The following ARHGAP24 variants were observed in gnomAD, a reference collection of about 807,000 sequenced individuals.
ARHGAP24 encodes the protein Rho GTPase activating protein 24, also known as rho GTPase-activating protein 24.
ARHGAP24 carries 50 observed loss-of-function variants against 76.4 expected under a neutral mutation model. That is an observed-to-expected ratio of 0.65 (90% CI 0.52 to 0.83). The LOEUF (loss-of-function observed/expected upper bound fraction) is 0.83. Ranked by LOEUF, ARHGAP24 falls within the 40% of genes least tolerant of loss-of-function variation. ARHGAP24 has a pLI of 0.00. For missense variants in ARHGAP24, 930 were observed against 914.2 expected (o/e 1.02, Z -0.22); for synonymous variants, 345 against 323.3 (o/e 1.07, Z -0.72).
At chr4:85,511,145 T>G (rs1724266708) in intron 1 of ARHGAP24, among the ~76,000 whole-genome samples, 1 of 152,180 alleles carries the variant, frequency 6.6e-6, no homozygotes, top group Non-Finnish European at 1.5e-5. Context: ...TTAGAAAACA[T>G]TTTAAAATAA....
intron 3 of ARHGAP24, among the ~76,000 whole-genome samples, chr4:85,821,400 G>A (rs948163136): frequency 6.6e-6 from 1 of 152,138 alleles, no homozygotes; most frequent in African/African-American, 2.4e-5. Context: ...CTGAGATAGG[G>A]TCTCACTCTG....
At chr4:85,621,723 A>G (rs1720724532) in intron 2 of ARHGAP24, among the ~76,000 whole-genome samples, 1 of 151,540 alleles carries the variant, frequency 6.6e-6, no homozygotes, top group Non-Finnish European at 1.5e-5. Context: ...TTATCTTTCT[A>G]CTCTGTTGAC....
At chr4:85,901,109 GA>G (rs1409354297) in intron 3 of ARHGAP24, among the ~76,000 whole-genome samples, 1 of 152,112 alleles carries the variant, frequency 6.6e-6, no homozygotes, top group Non-Finnish European at 1.5e-5. Flanking sequence ...ATTTTGATGT[GA>G]GACCAAGCTC....
intron 2 of ARHGAP24, among the ~76,000 whole-genome samples, chr4:85,588,906 T>C (rs566113278): frequency 1.3e-5 from 2 of 152,344 alleles, no homozygotes; most frequent in East Asian, 3.9e-4. Flanking sequence ...AAGTTTCTAA[T>C]TTAATGTTGA....
At chr4:85,848,247 A>T (rs953767704) in intron 3 of ARHGAP24, among the ~76,000 whole-genome samples, 1 of 152,140 alleles carries the variant, frequency 6.6e-6, no homozygotes, top group South Asian at 2.1e-4. Context: ...GGTTTGTTAC[A>T]TATATATACA....
chr4:85,745,837 A>C (rs1726012894), intron 3 of ARHGAP24, among the ~76,000 whole-genome samples: 1 of 152,192 alleles, frequency 6.6e-6, no homozygotes, highest in South Asian at 2.1e-4. Flanking sequence ...CGTGGCAAGA[A>C]TCTATAAGTT....
chr4:85,691,391 T>C (rs1723651057), intron 2 of ARHGAP24, among the ~76,000 whole-genome samples: 1 of 152,190 alleles, frequency 6.6e-6, no homozygotes, highest in Non-Finnish European at 1.5e-5. Flanking sequence ...AGTTTAAGTC[T>C]AGAATCTCTT....
intron 3 of ARHGAP24, among the ~76,000 whole-genome samples, chr4:85,756,122 A>G (rs1243444616): frequency 2.6e-5 from 4 of 152,190 alleles, no homozygotes; most frequent in South Asian, 2.1e-4. Context: ...GTATTGATGT[A>G]TCAATACGTT....
chr4:85,511,763 C>T (rs900147941), intron 1 of ARHGAP24, among the ~76,000 whole-genome samples: 1 of 152,168 alleles, frequency 6.6e-6, no homozygotes, highest in Non-Finnish European at 1.5e-5. Flanking sequence ...ACCCGCCTGG[C>T]CGAAATTCAC....
intron 3 of ARHGAP24, among the ~76,000 whole-genome samples, chr4:85,857,770 T>C (rs996747439): frequency 3.3e-5 from 5 of 152,156 alleles, no homozygotes; most frequent in Admixed American, 1.3e-4. Context: ...AGAGAAATAG[T>C]TGGAAGCTAC....
At chr4:85,498,235 A>G (rs530370335) in intron 1 of ARHGAP24, among the ~76,000 whole-genome samples, 30 of 152,340 alleles carry the variant, frequency 2.0e-4, no homozygotes, top group African/African-American at 7.0e-4. Flanking sequence ...TTAAGGACAC[A>G]GTAAAATAAT....
chr4:85,494,216 G>A (rs1364522344), intron 1 of ARHGAP24, among the ~76,000 whole-genome samples: 2 of 151,618 alleles, frequency 1.3e-5, no homozygotes, highest in African/African-American at 2.4e-5. Context: ...TGTTACATAC[G>A]TATACATGTG....
At chr4:85,548,365 A>G (rs759375748) in intron 1 of ARHGAP24, among the ~76,000 whole-genome samples, 2 of 152,202 alleles carry the variant, frequency 1.3e-5, no homozygotes, top group African/African-American at 2.4e-5. Context: ...GTCAGCCAGA[A>G]GCATTAGTGA....
In ARHGAP24 at chr4:85,706,894, G is replaced by C. The variant is rs575852146; in HGVS notation, c.181-14991G>C. ...GATGTATTTTTGAGATATATTAAAT[G>C]AACGCCTTATTTTGTTTATAGTGGA... On this transcript the variant is annotated intron_variant, in intron 2 of 9. Coordinates refer to ENST00000395184, the MANE Select transcript of ARHGAP24 (RefSeq NM_001025616.3). 5.0e-4 allele frequency among the ~76,000 whole-genome samples: 76 copies of C among 152,006 alleles called. 1 individual carries two copies. Among genetic ancestry groups the C allele is most frequent in the Admixed American group, 3.5e-3 (53 of 15,264 alleles).
chr4:85,705,311 A>G (rs890186038), intron 2 of ARHGAP24, among the ~76,000 whole-genome samples: 8 of 152,202 alleles, frequency 5.3e-5, no homozygotes, highest in African/African-American at 1.9e-4. Context: ...TTTAAATTTT[A>G]ATTTTTTGAC....
At chr4:85,678,793 G>T (rs534794701) in intron 2 of ARHGAP24, among the ~76,000 whole-genome samples, 5 of 152,166 alleles carry the variant, frequency 3.3e-5, no homozygotes, top group Non-Finnish European at 7.3e-5. Flanking sequence ...CAGATTTACA[G>T]TCAGTTGAAA....
intron 2 of ARHGAP24, among the ~76,000 whole-genome samples, chr4:85,628,460 G>A (rs1721046650): frequency 6.6e-6 from 1 of 152,126 alleles, no homozygotes; most frequent in Non-Finnish European, 1.5e-5. Context: ...GGTGTTGGAT[G>A]GAAGGAATAC....
intron 2 of ARHGAP24, among the ~76,000 whole-genome samples, chr4:85,574,897 G>C (rs912939424): frequency 6.6e-6 from 1 of 152,036 alleles, no homozygotes; most frequent in African/African-American, 2.4e-5. Flanking sequence ...TCAACAACCT[G>C]CCCAAATTTG....
intron 5 of ARHGAP24, among the ~76,000 whole-genome samples, chr4:85,970,381 C>T (rs1234509599): frequency 3.3e-5 from 5 of 152,166 alleles, no homozygotes; most frequent in African/African-American, 9.7e-5. Flanking sequence ...CTTATTTCCA[C>T]TCACCTTATT....
Sources: gnomAD v4.1 joint callset for allele counts (sites outside exome capture counted in the v4.1 genomes callset) on GRCh38, gnomAD v4.1.1 for gene constraint, MANE v1.5 for transcripts, NCBI Gene and HGNC (gene_info 2026-07-23, HGNC 2026-07-21) for gene names.